GRB2: variants seen among roughly 807,000 people sequenced by gnomAD.
GRB2 encodes the protein growth factor receptor bound protein 2.
A neutral mutation model predicts 27.4 loss-of-function variants in GRB2; 2 were observed. The observed-to-expected ratio is 0.07, with a 90% CI of 0.03 to 0.23. GRB2 has a LOEUF of 0.23. Ranked by LOEUF, GRB2 falls within the 10% of genes least tolerant of loss-of-function variation. GRB2 has a pLI of 1.00. For missense variants in GRB2, 102 were observed against 282.4 expected (o/e 0.36, Z 4.58); for synonymous variants, 94 against 99.6 (o/e 0.94, Z 0.33).
intron 2 of GRB2, among the ~76,000 whole-genome samples, chr17:75,359,205 C>T (rs889708406): frequency 7.2e-6 from 1 of 139,022 alleles, no homozygotes; most frequent in African/African-American, 2.7e-5. Context: ...ATAGACAATA[C>T]AACTTTGGTT....
intron 2 of GRB2, among the ~76,000 whole-genome samples, chr17:75,392,561 A>T (rs781483749): frequency 5.9e-5 from 9 of 152,226 alleles, no homozygotes; most frequent in Admixed American, 1.3e-4. Context: ...CTTTCTCTTC[A>T]TAAAATTCTA....
intron 2 of GRB2, among the ~76,000 whole-genome samples, chr17:75,380,120 G>T (rs1045365820): frequency 1.3e-5 from 2 of 152,148 alleles, no homozygotes; most frequent in Admixed American, 1.3e-4. Context: ...AAATTTCTAT[G>T]TAATAGCCTT....
At chr17:75,335,796 C>G (rs2078573171) in intron 2 of GRB2, among the ~76,000 whole-genome samples, 1 of 152,172 alleles carries the variant, frequency 6.6e-6, no homozygotes, top group Non-Finnish European at 1.5e-5. Context: ...TGAAAACTTT[C>G]TTCTAGTCAT....
intron 2 of GRB2, among the ~76,000 whole-genome samples, chr17:75,345,370 G>GT (rs1237523340): frequency 2.0e-5 from 3 of 152,082 alleles, no homozygotes; most frequent in African/African-American, 7.2e-5. Context: ...TTAATTCCAC[G>GT]TAAGACTATG....
At position 75,321,169 on chromosome 17, in the gene GRB2, CTTTTTTTT is replaced by C. The variant is rs61287852; in HGVS notation, c.468+482_468+489del. Among the ~76,000 whole-genome samples the C allele has an allele frequency of 6.3e-3, 761 of 119,934 alleles. 10 individuals carry two copies. The highest frequency in any genetic ancestry group is 0.027 in the Admixed American group (332 of 12,098). The allele number at this position is 119,934 out of a possible 152,430, so 78.7% of individuals were successfully genotyped here. Reference sequence around the variant, plus strand: ...AAACCTTGTATTTGAAACAACAAATCTTTTTTTTTTTTTTTTTTTTTTTTTGAAATGAA... The same window carrying C: ...AAACCTTGTATTTGAAACAACAAATCTTTTTTTTTTTTTTTTTGAAATGAA... On this transcript the variant is annotated intron_variant, in intron 5 of 5. Coordinates refer to ENST00000316804, the MANE Select transcript of GRB2 (RefSeq NM_002086.5).
chr17:75,325,131 A>G (rs76954202), intron 4 of GRB2, among the ~76,000 whole-genome samples: 8,211 of 152,256 alleles, frequency 0.054, 268 homozygotes, highest in Middle Eastern at 0.13. Flanking sequence ...TTCAAAAACA[A>G]AACAATCTTA....
chr17:75,396,031 T>G (rs1270899451), intron 1 of GRB2, among the ~76,000 whole-genome samples: 2 of 152,024 alleles, frequency 1.3e-5, no homozygotes, highest in Admixed American at 1.3e-4. Flanking sequence ...AGAGACGGGA[T>G]TTCACCATGT....
At chr17:75,322,681 G>T (rs1177246074) in intron 4 of GRB2, among the ~76,000 whole-genome samples, 1 of 152,082 alleles carries the variant, frequency 6.6e-6, no homozygotes, top group Admixed American at 6.6e-5. Context: ...TCCATCACTA[G>T]ATCACACCCT....
rs931735764 is a variant in GRB2, at chr17:75,369,077, G to A, written c.78+24474C>T. 4.6e-5 allele frequency among the ~76,000 whole-genome samples: 7 copies of A among 152,268 alleles called. No homozygotes were observed. In the South Asian group the frequency reaches 1.2e-3, roughly 27 times the overall value. On this transcript the variant is annotated intron_variant, in intron 2 of 5. Coordinates refer to ENST00000316804, the MANE Select transcript of GRB2 (RefSeq NM_002086.5). ...GCCCAACATCATGATCATGGCAAAT[G>A]GCACAGCCAAAGTTTGAACCCAGAT...
At chr17:75,346,230 A>G (rs1245375094) in intron 2 of GRB2, among the ~76,000 whole-genome samples, 2 of 146,430 alleles carry the variant, frequency 1.4e-5, no homozygotes, top group African/African-American at 5.0e-5. Flanking sequence ...ACAGTGGCTG[A>G]TGCCTGTAAT....
chr17:75,384,960 G>A (rs2078952897), intron 2 of GRB2, among the ~76,000 whole-genome samples: 1 of 148,618 alleles, frequency 6.7e-6, no homozygotes, highest in South Asian at 2.1e-4. Flanking sequence ...CACTTTGGGA[G>A]GCAGGCGGAT....
chr17:75,391,769 C>T (rs1447137151), intron 2 of GRB2, among the ~76,000 whole-genome samples: 1 of 149,446 alleles, frequency 6.7e-6, no homozygotes. Context: ...GATTGTACCA[C>T]CGCACTCCAG....
rs777354808 is a variant in GRB2 at position 75,339,693 on chromosome 17, C to A, written c.79-6896G>T. ...CCAGGCTGGAGTGCAATGGCGCCAT[C>A]TCAGCTCACTGCCACCTCTGCCTCC... On this transcript the variant is annotated intron_variant, in intron 2 of 5. Transcript: ENST00000316804. Among the ~76,000 whole-genome samples the A allele has an allele frequency of 1.1e-4, 16 of 150,026 alleles. No homozygotes were observed. The East Asian group carries it at 3.2e-3, about 30-fold the overall frequency.
intron 2 of GRB2, among the ~76,000 whole-genome samples, chr17:75,376,906 G>C (rs555818722): frequency 1.8e-4 from 28 of 152,232 alleles, no homozygotes; most frequent in Middle Eastern, 3.4e-3. Context: ...TGTAGTTCCA[G>C]AGACTAGGGT....
chr17:75,400,980 T>G (rs2079059837), intron 1 of GRB2, among the ~76,000 whole-genome samples: 1 of 151,726 alleles, frequency 6.6e-6, no homozygotes, highest in Non-Finnish European at 1.5e-5. Flanking sequence ...TTTTTTTTTT[T>G]GAGACGGAGT....
At chr17:75,398,911 C>A (rs1271181128) in intron 1 of GRB2, among the ~76,000 whole-genome samples, 1 of 151,918 alleles carries the variant, frequency 6.6e-6, no homozygotes, top group Non-Finnish European at 1.5e-5. Flanking sequence ...CCATGACCAG[C>A]TGATTTTTCT....
chr17:75,364,308 A>C (rs1307720066), intron 2 of GRB2, among the ~76,000 whole-genome samples: 4 of 152,208 alleles, frequency 2.6e-5, no homozygotes, highest in African/African-American at 9.7e-5. Context: ...AACATGTTTG[A>C]GAAATGAGTT....
intron 2 of GRB2, among the ~76,000 whole-genome samples, chr17:75,375,370 T>C (rs1050999813): frequency 1.5e-5 from 2 of 136,194 alleles, no homozygotes; most frequent in Admixed American, 8.2e-5. Flanking sequence ...TTAAATCCAT[T>C]TGAACACAAT....
intron 2 of GRB2, among the ~76,000 whole-genome samples, chr17:75,362,398 C>G (rs2078789068): frequency 6.6e-6 from 1 of 152,126 alleles, no homozygotes; most frequent in Admixed American, 6.5e-5. Context: ...CCTCCAAGAA[C>G]CAAATTTCAA....
Sources: gnomAD v4.1 joint callset for allele counts (sites outside exome capture counted in the v4.1 genomes callset) on GRCh38, gnomAD v4.1.1 for gene constraint, MANE v1.5 for transcripts, NCBI Gene and HGNC (gene_info 2026-07-23, HGNC 2026-07-21) for gene names.